PDZRN4: variants seen among roughly 807,000 people sequenced by gnomAD.
PDZRN4 encodes the protein PDZ domain-containing RING finger protein 4.
A neutral mutation model predicts 99.0 loss-of-function variants in PDZRN4; 70 were observed. The observed-to-expected ratio is 0.71, with a 90% CI of 0.58 to 0.86. PDZRN4 has a LOEUF of 0.86. PDZRN4 is among the 40% of genes least tolerant of loss of function. The pLI is 0.00. For missense variants in PDZRN4, 1,474 were observed against 1,331.2 expected, an observed-to-expected ratio of 1.11 and a Z score of -1.67; for synonymous variants, 551 against 501.6, an observed-to-expected ratio of 1.10 and a Z score of -1.32.
intron 3 of PDZRN4, chr12:41,460,206 C>G (rs778938412): frequency 6.6e-6 from 4 of 601,912 alleles, no homozygotes; most frequent in Middle Eastern, 6.3e-4. Context: ...ATTGAATATC[C>G]TAGTCAGGTA....
At chr12:41,560,561 T>G (rs1939251910) in intron 7 of PDZRN4, among the ~76,000 whole-genome samples, 3 of 152,218 alleles carry the variant, frequency 2.0e-5, no homozygotes, top group Admixed American at 2.0e-4. Flanking sequence ...CTTGGTTCTC[T>G]TTCCCTCTAT....
intron 3 of PDZRN4, among the ~76,000 whole-genome samples, chr12:41,336,041 G>C (rs2177976): frequency 0.86 from 131,577 of 152,116 alleles, 57,364 homozygotes; most frequent in Middle Eastern, 0.95. Flanking sequence ...GTTTATGTAT[G>C]TATATGCAAA....
chr12:41,342,086 T>C (rs4768348), intron 3 of PDZRN4, among the ~76,000 whole-genome samples: 58,568 of 151,676 alleles, frequency 0.39, 11,389 homozygotes, highest in South Asian at 0.42. Context: ...GGTGGCACAA[T>C]ATATATTGGG....
intron 3 of PDZRN4, among the ~76,000 whole-genome samples, chr12:41,373,286 GCAGACAGC>G (rs1396587548): frequency 1.3e-5 from 2 of 152,102 alleles, no homozygotes; most frequent in East Asian, 3.9e-4. Context: ...GGGTTTGAGC[GCAGACAGC>G]CAGCCGGTCT....
intron 3 of PDZRN4, among the ~76,000 whole-genome samples, chr12:41,414,248 T>G (rs1223788782): frequency 2.0e-5 from 3 of 152,176 alleles, no homozygotes; most frequent in African/African-American, 7.2e-5. Flanking sequence ...AAGATTTTTT[T>G]CTTTAGCATT....
intron 3 of PDZRN4, among the ~76,000 whole-genome samples, chr12:41,199,035 G>A (rs1950797384): frequency 6.6e-6 from 1 of 152,082 alleles, no homozygotes; most frequent in South Asian, 2.1e-4. Context: ...TGTTAAAGCA[G>A]GAAAATTAAT....
chr12:41,571,785 A>T (rs992018321), intron 9 of PDZRN4, among the ~76,000 whole-genome samples: 3 of 152,156 alleles, frequency 2.0e-5, no homozygotes, highest in Non-Finnish European at 2.9e-5. Context: ...ATCCTTTTGG[A>T]ATTGAGCATC....
chr12:41,413,792 G>A (rs1952418796), intron 3 of PDZRN4, among the ~76,000 whole-genome samples: 1 of 151,962 alleles, frequency 6.6e-6, no homozygotes, highest in Non-Finnish European at 1.5e-5. Flanking sequence ...ACTTTTAAGT[G>A]GGGTGTTAAG....
intron 3 of PDZRN4, among the ~76,000 whole-genome samples, chr12:41,324,310 G>T (rs555463397): frequency 7.2e-5 from 11 of 152,018 alleles, no homozygotes; most frequent in Admixed American, 7.2e-4. Context: ...ACAAGTGTTT[G>T]AAGATTAGGC....
At chr12:41,507,924 G>C (rs963078826) in intron 4 of PDZRN4, among the ~76,000 whole-genome samples, 4 of 151,838 alleles carry the variant, frequency 2.6e-5, no homozygotes, top group African/African-American at 9.7e-5. Context: ...AAGGGGAGTT[G>C]AACAAAAAGC....
At chr12:41,332,427 G>C (rs1025499161) in intron 3 of PDZRN4, among the ~76,000 whole-genome samples, 1 of 152,028 alleles carries the variant, frequency 6.6e-6, no homozygotes. Flanking sequence ...GAGGAAATGT[G>C]GTCCCAAGGC....
intron 3 of PDZRN4, among the ~76,000 whole-genome samples, chr12:41,223,962 G>C (rs1456884854): frequency 6.6e-6 from 1 of 152,232 alleles, no homozygotes; most frequent in African/African-American, 2.4e-5. Flanking sequence ...TTCCACTAAA[G>C]AGGCCTCTGA....
At chr12:41,476,042 C>T (rs956012108) in intron 3 of PDZRN4, among the ~76,000 whole-genome samples, 1 of 152,198 alleles carries the variant, frequency 6.6e-6, no homozygotes, top group Non-Finnish European at 1.5e-5. Context: ...TGCACACACA[C>T]ATACACACAC....
intron 3 of PDZRN4, among the ~76,000 whole-genome samples, chr12:41,415,996 GC>G (rs1952442013): frequency 6.6e-6 from 1 of 152,180 alleles, no homozygotes; most frequent in South Asian, 2.1e-4. Flanking sequence ...GGACCTAGAA[GC>G]AAAACCATAT....
rs1441762365 is a variant in PDZRN4, at chr12:41,509,848, G to A, written c.1138G>A (p.Glu380Lys). The A allele has an allele frequency of 1.9e-6, 3 of 1,601,156 alleles. No homozygotes were observed. The highest frequency in any genetic ancestry group is 1.7e-5 in the Admixed American group (1 of 58,532). Reference protein sequence around the residue: ...SLHPMEHEFYEDNEYISSLPA... With the variant: ...SLHPMEHEFYKDNEYISSLPA... ...ACATCCAATGGAGCATGAATTTTAT[G>A]AGGACAATGAGTATATTTCCAGCTT... The change falls in exon 5 of 10, where the codon GAG becomes AAG. Residue 380 changes from glutamate to lysine, a missense_variant. Physicochemically the swap from Glu to Lys is moderately conservative, Grantham distance 56. Coordinates refer to ENST00000402685, the MANE Select transcript of PDZRN4 (RefSeq NM_001164595.2).
At chr12:41,340,615 A>G (rs1951809244) in intron 3 of PDZRN4, among the ~76,000 whole-genome samples, 1 of 151,948 alleles carries the variant, frequency 6.6e-6, no homozygotes, top group Non-Finnish European at 1.5e-5. Context: ...AAGAAATGAT[A>G]AGTGCTTGAG....
chr12:41,393,551 A>C (rs1445225957), intron 3 of PDZRN4, among the ~76,000 whole-genome samples: 1 of 152,192 alleles, frequency 6.6e-6, no homozygotes, highest in Non-Finnish European at 1.5e-5. Flanking sequence ...TTGCTGTGTA[A>C]AGAATGCTTT....
chr12:41,426,749 G>A (rs2120424801), intron 3 of PDZRN4, among the ~76,000 whole-genome samples: 1 of 152,256 alleles, frequency 6.6e-6, no homozygotes, highest in Non-Finnish European at 1.5e-5. Context: ...AATCACAAAA[G>A]TTAGCATATC....
At chr12:41,396,018 CTGTT>C (rs1952243439) in intron 3 of PDZRN4, among the ~76,000 whole-genome samples, 1 of 152,106 alleles carries the variant, frequency 6.6e-6, no homozygotes, top group African/African-American at 2.4e-5. Flanking sequence ...ACTTTCACCT[CTGTT>C]TGTTTACCAG....
Sources: gnomAD v4.1 joint callset for allele counts (sites outside exome capture counted in the v4.1 genomes callset) on GRCh38, gnomAD v4.1.1 for gene constraint, MANE v1.5 for transcripts, NCBI Gene and HGNC (gene_info 2026-07-23, HGNC 2026-07-21) for gene names.